The following DMD variants were observed in gnomAD, a reference collection of about 807,000 sequenced individuals.
DMD encodes dystrophin.
A neutral mutation model predicts 330.1 loss-of-function variants in DMD; 63 were observed. The ratio of observed to expected loss-of-function variants is 0.19; its 90% confidence interval spans 0.16 to 0.24. The LOEUF (loss-of-function observed/expected upper bound fraction) is 0.24. DMD is among the 10% of genes least tolerant of loss of function. DMD has a pLI of 1.00. For synonymous variants in DMD, 1,223 were observed against 959.8 expected (o/e 1.27, Z -5.07); for missense variants, 3,344 against 2,684.1 (o/e 1.25, Z -5.43).
At chrX:32,772,895 A>G (rs1161239924) in intron 7 of DMD, among the ~76,000 whole-genome samples, 1 of 112,022 alleles carries the variant, frequency 8.9e-6, no homozygotes, top group Admixed American at 9.5e-5. Context: ...GTAGATTTAC[A>G]GAAACTCGGG....
rs2048465891 is a variant in DMD at position 33,155,470 on chromosome X, C to T, written c.31+55812G>A. 4.5e-5 allele frequency among the ~76,000 whole-genome samples: 5 copies of T among 110,508 alleles called. No homozygotes were observed. The South Asian group carries it at 2.0e-3, about 43-fold the overall frequency. On this transcript the variant is annotated intron_variant, in intron 1 of 78. Transcript: ENST00000357033. ...AGCTGGAACTACAGGTGCCCGCCACCACACCCAGCTAATTTTTGTATTTTT... is the reference window on the plus strand; with the variant it reads ...AGCTGGAACTACAGGTGCCCGCCACTACACCCAGCTAATTTTTGTATTTTT...
chrX:32,553,327 C>A (rs1370373426), intron 16 of DMD, among the ~76,000 whole-genome samples: 1 of 111,403 alleles, frequency 9.0e-6, no homozygotes, highest in Non-Finnish European at 1.9e-5. Flanking sequence ...CAAAATATCA[C>A]ATTTTCTCAC....
At chrX:33,151,543 A>G (rs1021595240) in intron 1 of DMD, among the ~76,000 whole-genome samples, 5 of 112,071 alleles carry the variant, frequency 4.5e-5, no homozygotes, top group Non-Finnish European at 9.4e-5. Context: ...CATAAATACT[A>G]TGGATACAAA....
At chrX:32,725,866 TGAGTGGATG>T (rs2066820439) in intron 7 of DMD, among the ~76,000 whole-genome samples, 2 of 111,209 alleles carry the variant, frequency 1.8e-5, no homozygotes, top group African/African-American at 3.3e-5. Context: ...GATAAATGCT[TGAGTGGATG>T]GATACCCCAT....
At chrX:32,386,788 T>C (rs2097961254) in intron 32 of DMD, among the ~76,000 whole-genome samples, 2 of 110,362 alleles carry the variant, frequency 1.8e-5, no homozygotes, top group African/African-American at 6.5e-5. Context: ...GAATTTTACA[T>C]GACTTCTATT....
intron 63 of DMD, among the ~76,000 whole-genome samples, chrX:31,251,761 A>G (rs1031289926): frequency 1.8e-5 from 2 of 112,530 alleles, no homozygotes; most frequent in African/African-American, 6.5e-5. Context: ...ATGTCTGAAT[A>G]AGAGCAGACA....
At chrX:31,462,532 G>A (rs779135089) in intron 59 of DMD, among the ~76,000 whole-genome samples, 1 of 111,489 alleles carries the variant, frequency 9.0e-6, no homozygotes, top group Non-Finnish European at 1.9e-5. Context: ...TCGAGGGCTT[G>A]CTCTCTCTCT....
At chrX:32,722,230 T>G (rs922484102) in intron 7 of DMD, among the ~76,000 whole-genome samples, 1 of 110,554 alleles carries the variant, frequency 9.0e-6, no homozygotes, top group African/African-American at 3.3e-5. Context: ...ACAGTCAACC[T>G]TCTATTTCCA....
chrX:31,627,647 T>C lies in DMD; in HGVS notation c.8217+26A>G, dbSNP rs369216772. 7 of 1,200,321 alleles carry C rather than the reference T, an allele frequency of 5.8e-6. No homozygotes were observed. The East Asian group carries it at 2.1e-4, about 36-fold the overall frequency. ...AATTGTTCAATTGGATCCACAAGAG[T>C]GCTAAAGCGGAAATGCCTGACTTAC... On this transcript the variant is annotated intron_variant, in intron 55 of 78. Coordinates refer to ENST00000357033, the MANE Select transcript of DMD (RefSeq NM_004006.3).
chrX:32,883,897 A>G (rs1425080410), intron 2 of DMD, among the ~76,000 whole-genome samples: 7 of 106,606 alleles, frequency 6.6e-5, no homozygotes, highest in African/African-American at 2.4e-4. Context: ...TTAAAAATGT[A>G]TCCCTTTTCA....
chrX:32,772,304 T>A (rs112903986), intron 7 of DMD, among the ~76,000 whole-genome samples: 4,383 of 112,522 alleles, frequency 0.039, 82 homozygotes, highest in Middle Eastern at 0.06. Context: ...ACTACTAATA[T>A]AAGTCATTGT....
At chrX:32,333,801 G>C (rs1245310680) in intron 41 of DMD, among the ~76,000 whole-genome samples, 1 of 110,940 alleles carries the variant, frequency 9.0e-6, no homozygotes, top group Non-Finnish European at 1.9e-5. Context: ...GTTGTTGAAG[G>C]TCACATATTT....
chrX:33,043,318 A>T (rs972957954), intron 1 of DMD, among the ~76,000 whole-genome samples: 1 of 111,680 alleles, frequency 9.0e-6, no homozygotes, highest in African/African-American at 3.3e-5. Context: ...AACTGAAACT[A>T]TCACCTGATC....
chrX:32,336,148 ATGT>A (rs775876761), intron 41 of DMD, among the ~76,000 whole-genome samples: 1 of 108,981 alleles, frequency 9.2e-6, no homozygotes, highest in African/African-American at 3.4e-5. Flanking sequence ...CGTGTATAAC[ATGT>A]TATCTGTGTG....
chrX:32,471,211 T>C (rs896680145), intron 22 of DMD, among the ~76,000 whole-genome samples: 1 of 111,374 alleles, frequency 9.0e-6, no homozygotes, highest in African/African-American at 3.3e-5. Flanking sequence ...CCGGGAGGCG[T>C]AGGTTGCAGT....
At chrX:32,178,733 T>A (rs895406189) in intron 44 of DMD, among the ~76,000 whole-genome samples, 2 of 110,737 alleles carry the variant, frequency 1.8e-5, no homozygotes, top group African/African-American at 6.6e-5. Flanking sequence ...TCTTTCTTGG[T>A]CTGGCTTATT....
At chrX:32,815,520 T>TATAATATATATACACACACACAC in intron 6 of DMD, among the ~76,000 whole-genome samples, 1 of 78,959 alleles carries the variant, frequency 1.3e-5, no homozygotes, top group African/African-American at 5.3e-5. Flanking sequence ...TATATATATA[T>TATAATATATATACACACACACAC]ACACACACAC....
chrX:32,141,101 C>T (rs2096750131), intron 44 of DMD, among the ~76,000 whole-genome samples: 1 of 110,452 alleles, frequency 9.1e-6, no homozygotes, highest in Non-Finnish European at 1.9e-5. Context: ...GCCCATTACT[C>T]CCTATGCAGT....
intron 45 of DMD, among the ~76,000 whole-genome samples, chrX:31,938,543 C>G (rs890836936): frequency 9.0e-6 from 1 of 111,568 alleles, no homozygotes; most frequent in African/African-American, 3.3e-5. Context: ...TCTTCACAGG[C>G]ACCTTCAACA....
Sources: gnomAD v4.1 joint callset for allele counts (sites outside exome capture counted in the v4.1 genomes callset) on GRCh38, gnomAD v4.1.1 for gene constraint, MANE v1.5 for transcripts, NCBI Gene and HGNC (gene_info 2026-07-23, HGNC 2026-07-21) for gene names.